The following PARP15 variants were observed in gnomAD, a reference collection of about 807,000 sequenced individuals.
The protein encoded by PARP15 is protein mono-ADP-ribosyltransferase PARP15.
A neutral mutation model predicts 62.1 loss-of-function variants in PARP15; 50 were observed. The observed-to-expected ratio is 0.81, with a 90% CI of 0.64 to 1.02. PARP15 has a LOEUF of 1.02. Ranked by LOEUF, PARP15 falls within the 50% of genes least tolerant of loss-of-function variation. The probability of loss-of-function intolerance (pLI) is 0.00; values close to 1 mark genes in which losing one functional copy is unlikely to be tolerated. For missense variants in PARP15, 820 were observed against 826.5 expected (o/e 0.99, Z 0.10); for synonymous variants, 309 against 293.1 (o/e 1.05, Z -0.55).
At chr3:122,600,411 G>T (rs540521530) in intron 1 of PARP15, among the ~76,000 whole-genome samples, 2 of 151,920 alleles carry the variant, frequency 1.3e-5, no homozygotes, top group Admixed American at 6.6e-5. Context: ...TTTATGTTAA[G>T]CCCAAATATG....
chr3:122,615,262 G>T (rs942632473), intron 4 of PARP15: 4 of 1,286,982 alleles, frequency 3.1e-6, no homozygotes, highest in South Asian at 2.5e-5. Context: ...GTTTTCTAAC[G>T]TGGATTTTCG....
intron 8 of PARP15, among the ~76,000 whole-genome samples, chr3:122,626,372 G>A (rs553349619): frequency 1.1e-4 from 17 of 151,876 alleles, no homozygotes; most frequent in Non-Finnish European, 2.2e-4. Context: ...CTAATTTTTT[G>A]TATTTTTAGT....
chr3:122,616,991 T>C (rs1416341059), intron 5 of PARP15, 24 bp from the exon 6 acceptor site: 1 of 1,610,568 alleles, frequency 6.2e-7, no homozygotes, highest in Non-Finnish European at 8.5e-7. Flanking sequence ...CAGCCCATTC[T>C]TTACCTATTT....
At chr3:122,582,065 C>T (rs1932994196) in intron 1 of PARP15, among the ~76,000 whole-genome samples, 2 of 152,150 alleles carry the variant, frequency 1.3e-5, no homozygotes, top group African/African-American at 4.8e-5. Context: ...TATTGTTGTT[C>T]TCTCTGAAAA....
chr3:122,628,611 C>T (rs958749265), intron 9 of PARP15, among the ~76,000 whole-genome samples: 2 of 152,088 alleles, frequency 1.3e-5, no homozygotes, highest in Admixed American at 1.3e-4. Flanking sequence ...TTTAAACTGA[C>T]TTACAAATTT....
chr3:122,597,042 T>A (rs1934406797), intron 1 of PARP15, among the ~76,000 whole-genome samples: 1 of 152,184 alleles, frequency 6.6e-6, no homozygotes, highest in South Asian at 2.1e-4. Flanking sequence ...ATAAGCAACA[T>A]AAATGTATTG....
intron 9 of PARP15, among the ~76,000 whole-genome samples, chr3:122,629,461 G>A (rs1375075307): frequency 6.6e-6 from 1 of 152,080 alleles, no homozygotes; most frequent in African/African-American, 2.4e-5. Context: ...CACCCCCACA[G>A]GTGAGGGCAT....
intron 9 of PARP15, 140 bp from the exon 10 acceptor site, chr3:122,631,946 G>A: frequency 1.2e-6 from 1 of 860,894 alleles, no homozygotes; most frequent in South Asian, 1.5e-5. Flanking sequence ...GAGGATAATA[G>A]AAGAAGCAAT....
intron 1 of PARP15, among the ~76,000 whole-genome samples, chr3:122,587,594 C>G (rs926659958): frequency 1.3e-5 from 2 of 152,282 alleles, no homozygotes; most frequent in Middle Eastern, 3.4e-3. Flanking sequence ...TGCAGTGGCA[C>G]AATCACTTAC....
At position 122,632,204 on chromosome 3, in the gene PARP15, C is replaced by T; in HGVS notation, c.1557C>T (p.Ser519=). Residue 519 remains serine (S), a synonymous_variant, in exon 10 of 12, where the codon TCC becomes TCT. Transcript: ENST00000464300. ...IKDKFTRTCS[S]YAIEKIERIQ... The stretch of plus-strand genomic sequence containing the variant: ...ACAAGTTCACCCGAACTTGTTCTTC[C>T]TACGCAATAGAGAAGGTAATACTGT... The T allele has an allele frequency of 6.2e-7, 1 of 1,613,502 alleles. No individual in the cohort carries two copies. The highest frequency in any genetic ancestry group is 1.1e-5 in the South Asian group (1 of 91,060).
At chr3:122,593,115 T>TCTAC (rs1934064788) in intron 1 of PARP15, among the ~76,000 whole-genome samples, 1 of 103,548 alleles carries the variant, frequency 9.7e-6, no homozygotes, top group African/African-American at 2.8e-5. Context: ...TATCTATCTA[T>TCTAC]CTATCTATGT....
At position 122,615,262 on chromosome 3, in the gene PARP15, G is replaced by A. The variant is rs942632473; in HGVS notation, c.772-517G>A. The stretch of plus-strand genomic sequence containing the variant: ...ACTTCAATGTCTGAGGTTTTCTAAC[G>A]TGGATTTTCGTGTTTTCATTCAGGA... On this transcript the variant is annotated intron_variant, in intron 4 of 11. Coordinates refer to ENST00000464300, the MANE Select transcript of PARP15 (RefSeq NM_001113523.3). The A allele has an allele frequency of 2.9e-5, 37 of 1,286,864 alleles. 1 individual carries two copies. In the Admixed American group the frequency reaches 4.6e-4, roughly 16 times the overall value. 79.7% of individuals were successfully genotyped at this position (1,286,864 alleles called of 1,614,324 possible).
At chr3:122,578,523 T>A (rs13079702) in intron 1 of PARP15, among the ~76,000 whole-genome samples, 14,424 of 152,184 alleles carry the variant, frequency 0.095, 745 homozygotes, top group Admixed American at 0.14. Context: ...ATACCAGCTT[T>A]ATCATGTACT....
In PARP15 at chr3:122,587,178, T is replaced by C. The variant is rs1933515441; in HGVS notation, c.186+9325T>C. ...GTCCCTTGTTTGAATGTACTGTAGA[T>C]TATGTATCCATTCACCTACTGCAGG... On this transcript the variant is annotated intron_variant, in intron 1 of 11. Transcript: ENST00000464300. 4.6e-5 allele frequency among the ~76,000 whole-genome samples: 7 copies of C among 152,256 alleles called. No individual in the cohort carries two copies. The South Asian group carries it at 1.4e-3, about 32-fold the overall frequency.
chr3:122,612,624 T>A (rs1463153086), intron 3 of PARP15, among the ~76,000 whole-genome samples: 2 of 152,040 alleles, frequency 1.3e-5, no homozygotes, highest in Non-Finnish European at 2.9e-5. Flanking sequence ...GTATTTTTAG[T>A]AGAGACGGGG....
intron 9 of PARP15, among the ~76,000 whole-genome samples, chr3:122,629,964 T>C (rs1001328822): frequency 2.0e-5 from 3 of 152,202 alleles, no homozygotes; most frequent in African/African-American, 7.2e-5. Context: ...TTCTCTTGCC[T>C]GCCGCTCACC....
intron 1 of PARP15, among the ~76,000 whole-genome samples, chr3:122,584,141 A>G (rs551769197): frequency 6.6e-6 from 1 of 152,220 alleles, no homozygotes; most frequent in East Asian, 1.9e-4. Context: ...CTCAAAAAAT[A>G]TTTTAGATAT....
chr3:122,606,081 A>G, intron 2 of PARP15, 26 bp downstream of exon 2: 1 of 1,547,214 alleles, frequency 6.5e-7, no homozygotes, highest in East Asian at 2.5e-5. Flanking sequence ...TAATAAATCT[A>G]CCAAGGAACA....
At chr3:122,584,652 A>G (rs915893012) in intron 1 of PARP15, among the ~76,000 whole-genome samples, 1 of 143,730 alleles carries the variant, frequency 7.0e-6, no homozygotes, top group Non-Finnish European at 1.5e-5. Flanking sequence ...ATTTTGGCTC[A>G]CTACAACCTC....
Sources: allele counts gnomAD v4.1 joint callset (sites outside exome capture counted in the v4.1 genomes callset), GRCh38; gene constraint gnomAD v4.1.1; transcripts MANE v1.5; gene names NCBI Gene and HGNC (gene_info 2026-07-23, HGNC 2026-07-21).